The following NR5A2 variants were observed in gnomAD, a reference collection of about 807,000 sequenced individuals.
NR5A2 encodes nuclear receptor subfamily 5 group A member 2.
Under a neutral mutation model 62.7 loss-of-function variants are expected in NR5A2, and 26 were observed. The ratio of observed to expected loss-of-function variants is 0.41; its 90% confidence interval spans 0.30 to 0.58. The LOEUF (loss-of-function observed/expected upper bound fraction) is 0.58. NR5A2 is among the 20% of genes least tolerant of loss of function. The pLI is 0.22. For missense variants in NR5A2, 541 were observed against 669.1 expected (o/e 0.81, Z 2.11); for synonymous variants, 246 against 241.7 (o/e 1.02, Z -0.16).
chr1:200,064,632 G>A (rs1040945854), intron 5 of NR5A2, among the ~76,000 whole-genome samples: 3 of 152,066 alleles, frequency 2.0e-5, no homozygotes, highest in South Asian at 2.1e-4. Context: ...CTTAAGCATC[G>A]GGGGCCAGAA....
intron 7 of NR5A2, among the ~76,000 whole-genome samples, chr1:200,121,600 A>G (rs549498618): frequency 6.6e-6 from 1 of 152,356 alleles, no homozygotes; most frequent in East Asian, 1.9e-4. Flanking sequence ...CTTGGAATAA[A>G]AAAAGGATTA....
Position 200,048,500 on chromosome 1 carries a change from T to C in NR5A2, c.792T>C (p.Phe264=), listed in dbSNP as rs373837022. Residue 264 remains phenylalanine, a synonymous_variant, in exon 5 of 8, where the codon TTT becomes TTC. Transcript: ENST00000367362. This position sits in a 1 kb window ranked among gnomAD's most constrained non-coding sequence, Gnocchi z 4.8. ...AAGGTTACCAAACATATGGCCACTT[T>C]CCTAGCCGGGCCATCAAGTCTGAGT... The part of the protein sequence containing the change: ...SLQGYQTYGH[F]PSRAIKSEYP... 3.5e-5 allele frequency: 57 copies of C among 1,614,174 alleles called. 2 individuals are homozygous for C. The highest frequency in any genetic ancestry group is 2.7e-4 in the East Asian group (12 of 44,890).
intron 7 of NR5A2, among the ~76,000 whole-genome samples, chr1:200,149,291 C>G (rs1414367368): frequency 2.0e-5 from 3 of 152,156 alleles, no homozygotes; most frequent in African/African-American, 7.2e-5. Flanking sequence ...AAAGAGTGAC[C>G]ATGGCTGATG....
chr1:200,145,486 G>A (rs987636414), intron 7 of NR5A2, among the ~76,000 whole-genome samples: 8 of 142,330 alleles, frequency 5.6e-5, no homozygotes, highest in Non-Finnish European at 9.1e-5. Context: ...GTGTGTGTGT[G>A]TGTGTGTGTG....
intron 7 of NR5A2, among the ~76,000 whole-genome samples, chr1:200,171,684 G>A (rs908976063): frequency 2.0e-5 from 3 of 152,156 alleles, no homozygotes; most frequent in Admixed American, 6.5e-5. Context: ...AGGAGGTGGA[G>A]GTTGCAGTGA....
Position 200,154,457 on chromosome 1 carries a change from C to T in NR5A2, c.1379-19506C>T, listed in dbSNP as rs545802291. ...AATAATCACCAGCCCTGATGAGTCA[C>T]CAGAGAGCAATGGGGTGATACTCAA... On this transcript the variant is annotated intron_variant, in intron 7 of 7. Coordinates refer to ENST00000367362, the MANE Select transcript of NR5A2 (RefSeq NM_205860.3). Among the ~76,000 whole-genome samples the T allele has an allele frequency of 7.2e-5, 11 of 152,272 alleles. No homozygotes were observed. In the South Asian group the frequency reaches 1.0e-3, roughly 14 times the overall value.
intron 7 of NR5A2, among the ~76,000 whole-genome samples, chr1:200,139,796 A>G (rs952364925): frequency 2.0e-5 from 3 of 152,218 alleles, no homozygotes; most frequent in Admixed American, 6.5e-5. Context: ...CAGACATTCA[A>G]GGCTGCTGTG....
intron 5 of NR5A2, among the ~76,000 whole-genome samples, chr1:200,061,009 A>T (rs1056170941): frequency 3.3e-5 from 5 of 149,646 alleles, no homozygotes; most frequent in Non-Finnish European, 7.4e-5. Flanking sequence ...AATCCCAGCT[A>T]TTCAGGAGGC....
At chr1:200,129,375 C>T (rs908756360) in intron 7 of NR5A2, among the ~76,000 whole-genome samples, 3 of 151,668 alleles carry the variant, frequency 2.0e-5, no homozygotes, top group Admixed American at 2.0e-4. Context: ...GTAGGAATAG[C>T]AAACATTCAG....
At chr1:200,081,657 A>C (rs16845914) in intron 5 of NR5A2, among the ~76,000 whole-genome samples, 3,373 of 152,268 alleles carry the variant, frequency 0.022, 138 homozygotes, top group African/African-American at 0.077. Context: ...TGAAAACAGG[A>C]TCTCAATACA....
chr1:200,162,319 C>T (rs764887152), intron 7 of NR5A2, among the ~76,000 whole-genome samples: 8 of 152,126 alleles, frequency 5.3e-5, no homozygotes, highest in South Asian at 2.1e-4. Flanking sequence ...ATGATATCTG[C>T]GCTGAGGCCC....
chr1:200,070,756 T>TC (rs904556060), intron 5 of NR5A2, among the ~76,000 whole-genome samples: 5 of 123,792 alleles, frequency 4.0e-5, no homozygotes, highest in East Asian at 2.8e-4. Flanking sequence ...CCCAGCCCCA[T>TC]CCCCCCCACC....
intron 1 of NR5A2, chr1:200,038,811 C>T: frequency 7.8e-7 from 1 of 1,277,040 alleles, no homozygotes; most frequent in South Asian, 1.3e-5. Flanking sequence ...CGCCCCGGGC[C>T]AGGGTGGGGT....
chr1:200,038,786 G>C, intron 1 of NR5A2: 1 of 1,330,124 alleles, frequency 7.5e-7, no homozygotes. Flanking sequence ...AGACCCGGCT[G>C]CATTTACATC....
intron 5 of NR5A2, among the ~76,000 whole-genome samples, chr1:200,083,172 A>G (rs1664370406): frequency 6.6e-6 from 1 of 152,208 alleles, no homozygotes; most frequent in Non-Finnish European, 1.5e-5. Flanking sequence ...CACTGTCATT[A>G]TTGTATAAGC....
intron 7 of NR5A2, among the ~76,000 whole-genome samples, chr1:200,145,074 G>A (rs543790561): frequency 4.0e-4 from 61 of 152,284 alleles, no homozygotes; most frequent in Middle Eastern, 3.4e-3. Context: ...CACTTTGGGA[G>A]GCTGAGGCAG....
In NR5A2 at chr1:200,048,751, T is replaced by C. The variant is rs1295049627; in HGVS notation, c.1043T>C (p.Met348Thr). ...AGCACCTTTGGGCTTATGTGCAAAA[T>C]GGCAGATCAAACTCTCTTCTCCATT... ...KLSTFGLMCK[M>T]ADQTLFSIVE... Residue 348 changes from methionine to threonine, a missense_variant, in exon 5 of 8, where the codon ATG becomes ACG. Met to Thr is a moderately conservative substitution (Grantham distance 81, BLOSUM62 -1). Transcript: ENST00000367362. The surrounding 1 kb of genome is among the most constrained non-coding windows in gnomAD (Gnocchi z 4.8). 3 of 1,614,172 alleles carry C rather than the reference T, an allele frequency of 1.9e-6. No homozygotes were observed. Among genetic ancestry groups the C allele is most frequent in the South Asian group, 2.2e-5 (2 of 91,080 alleles).
At chr1:200,113,214 T>C (rs2102296768) in intron 6 of NR5A2, among the ~76,000 whole-genome samples, 1 of 152,074 alleles carries the variant, frequency 6.6e-6, no homozygotes, top group Admixed American at 6.6e-5. Flanking sequence ...CCTGGATTCT[T>C]CCAGCTCCCC....
In NR5A2 at chr1:200,039,565, C is replaced by T. The variant is rs999596539; in HGVS notation, c.65-93C>T. ...CGGCAGCCCCGAGGAGGCGGAGGCA[C>T]GCTCCGGCGAGGCGAGAGGGTTGGG... On this transcript the variant is annotated intron_variant, in intron 1 of 7. Transcript: ENST00000367362. The surrounding 1 kb of genome is among the most constrained non-coding windows in gnomAD (Gnocchi z 5.1). 2 of 1,570,102 alleles carry T rather than the reference C, an allele frequency of 1.3e-6. No individual in the cohort carries two copies. The highest frequency in any genetic ancestry group is 1.7e-6 in the Non-Finnish European group (2 of 1,153,214).
Sources: gnomAD v4.1 joint callset for allele counts (sites outside exome capture counted in the v4.1 genomes callset) on GRCh38, gnomAD v4.1.1 for gene constraint, Gnocchi (gnomAD v3.1) non-coding constraint, MANE v1.5 for transcripts, NCBI Gene and HGNC (gene_info 2026-07-23, HGNC 2026-07-21) for gene names.